RPH3AL: variants seen among roughly 807,000 people sequenced by gnomAD.
The protein encoded by RPH3AL is rabphilin 3A like (without C2 domains), also known as rab effector Noc2.
Under a neutral mutation model 43.1 loss-of-function variants are expected in RPH3AL, and 38 were observed. That is an observed-to-expected ratio of 0.88 (90% confidence interval 0.68 to 1.15). The LOEUF is 1.15. Ranked by LOEUF, RPH3AL falls within the 50% of genes most tolerant of loss-of-function variation. RPH3AL has a pLI of 0.00. For synonymous variants in RPH3AL, 189 were observed against 176.3 expected (o/e 1.07, Z -0.57); for missense variants, 462 against 423.2 (o/e 1.09, Z -0.81).
At chr17:338,178 C>T (rs1180958248) in intron 1 of RPH3AL, among the ~76,000 whole-genome samples, 3 of 152,156 alleles carry the variant, frequency 2.0e-5, no homozygotes, top group Admixed American at 2.0e-4. Flanking sequence ...GCAGGGAAAC[C>T]AGGCTGGGCG....
rs572176297 is a variant in RPH3AL at position 292,565 on chromosome 17, G to A, written c.352-10711C>T. ...GCAGCTCGACGTGGGGACCTGGGAT[G>A]CGAACCCTGTTCAGTCTGAGCCTCG... On this transcript the variant is annotated intron_variant, in intron 5 of 9. Coordinates refer to ENST00000331302, the MANE Select transcript of RPH3AL (RefSeq NM_006987.4). Among the ~76,000 whole-genome samples the A allele has an allele frequency of 1.4e-3, 208 of 152,274 alleles. 1 individual carries two copies. Among genetic ancestry groups the A allele is most frequent in the Non-Finnish European group, 9.6e-4 (65 of 68,016 alleles).
At chr17:294,285 G>A (rs1355038752) in intron 5 of RPH3AL, among the ~76,000 whole-genome samples, 1 of 104,458 alleles carries the variant, frequency 9.6e-6, no homozygotes, top group Non-Finnish European at 1.9e-5. Context: ...AACATAGCAA[G>A]ACCCCGTCTC....
intron 1 of RPH3AL, among the ~76,000 whole-genome samples, chr17:342,340 C>A (rs1333451833): frequency 1.3e-5 from 2 of 152,198 alleles, no homozygotes; most frequent in African/African-American, 2.4e-5. Flanking sequence ...TCTGACCCAA[C>A]AATTTCGCTC....
Position 215,181 on chromosome 17 carries a change from G to A in RPH3AL, c.876+473C>T, listed in dbSNP as rs2040766581. Among the ~76,000 whole-genome samples, 1 of 152,120 alleles carries A rather than the reference G, an allele frequency of 6.6e-6. No individual in the cohort carries two copies. Among genetic ancestry groups the A allele is most frequent in the African/African-American group, 2.4e-5 (1 of 41,408 alleles). On this transcript the variant is annotated intron_variant, in intron 9 of 9. Coordinates refer to ENST00000331302, the MANE Select transcript of RPH3AL (RefSeq NM_006987.4). This position sits in a 1 kb window ranked among gnomAD's most constrained non-coding sequence, Gnocchi z 4.1. ...TCCTGCACCTGCGCAGTTTTCTCTGGCTTCAGTTTAAGGAGAACCCTCACC... is the reference window on the plus strand; with the variant it reads ...TCCTGCACCTGCGCAGTTTTCTCTGACTTCAGTTTAAGGAGAACCCTCACC...
chr17:213,501 C>A lies in RPH3AL; in HGVS notation c.*351G>T. On this transcript the variant is annotated 3_prime_UTR_variant, in exon 10 of 10. Coordinates refer to ENST00000331302, the MANE Select transcript of RPH3AL (RefSeq NM_006987.4). The stretch of plus-strand genomic sequence containing the variant: ...CATTAATATAGCAACGGAGATAGCC[C>A]CACCGGGCGGCCCCTCTGACACTGC... 2.6e-6 allele frequency: 1 copy of A among 391,922 alleles called. No homozygotes were observed. Among genetic ancestry groups the A allele is most frequent in the Admixed American group, 4.2e-5 (1 of 24,094 alleles). The allele number at this position is 391,922 out of a possible 1,614,324, so 24.3% of individuals were successfully genotyped here.
intron 5 of RPH3AL, among the ~76,000 whole-genome samples, chr17:306,024 ATTT>A (rs71143496): frequency 7.2e-6 from 1 of 139,550 alleles, no homozygotes; most frequent in Admixed American, 7.1e-5. Flanking sequence ...ATGCCCAGCT[ATTT>A]TTTTTTTTTT....
At position 213,333 on chromosome 17, in the gene RPH3AL, G is replaced by T. The variant is rs536225459; in HGVS notation, c.*519C>A. 59 of 168,592 alleles carry T rather than the reference G, an allele frequency of 3.5e-4. No homozygotes were observed. The highest frequency in any genetic ancestry group is 6.9e-4 in the Non-Finnish European group (53 of 77,050). 10.4% of individuals were successfully genotyped at this position (168,592 alleles called of 1,614,324 possible). ...CGGTCCTGGGCCAGCCCATGGGAGG[G>T]GGGCACTGCGCCTGCCTCCCAGAGC... On this transcript the variant is annotated 3_prime_UTR_variant, in exon 10 of 10. Coordinates refer to ENST00000331302, the MANE Select transcript of RPH3AL (RefSeq NM_006987.4).
At chr17:248,857 G>A (rs2041824616) in intron 6 of RPH3AL, among the ~76,000 whole-genome samples, 1 of 152,310 alleles carries the variant, frequency 6.6e-6, no homozygotes. Context: ...CAGAGCAAAG[G>A]GCACCCAGAA....
chr17:316,528 A>T lies in RPH3AL; in HGVS notation c.351+2892T>A, dbSNP rs1185209519. 2.4e-5 allele frequency among the ~76,000 whole-genome samples: 3 copies of T among 125,600 alleles called. No individual in the cohort carries two copies. In the Admixed American group the frequency reaches 2.5e-4, roughly 10 times the overall value. 82.4% of individuals were successfully genotyped at this position (125,600 alleles called of 152,430 possible). A position where few individuals can be genotyped will look rare whatever the true frequency, so the allele number is the denominator to read the frequency against. ...CTGTGCTCCACCTCCAGTGACCTGTAGTCCCTGTGACTCCACCTCCACTGA... is the reference window on the plus strand; with the variant it reads ...CTGTGCTCCACCTCCAGTGACCTGTTGTCCCTGTGACTCCACCTCCACTGA... On this transcript the variant is annotated intron_variant, in intron 5 of 9. Coordinates refer to ENST00000331302, the MANE Select transcript of RPH3AL (RefSeq NM_006987.4).
chr17:319,733 A>G (rs1017135166), intron 4 of RPH3AL, among the ~76,000 whole-genome samples, 184 bp from the exon 5 acceptor site: 5 of 150,240 alleles, frequency 3.3e-5, no homozygotes, highest in African/African-American at 9.8e-5. Context: ...GTGAGCACCT[A>G]TGATTCATCA....
intron 6 of RPH3AL, among the ~76,000 whole-genome samples, chr17:273,022 A>G (rs8074927): frequency 0.15 from 8,925 of 59,432 alleles, 459 homozygotes; most frequent in African/African-American, 0.26. Flanking sequence ...CGACATCAGG[A>G]AGAGACCCCA....
rs868173016 is a variant in RPH3AL at position 245,408 on chromosome 17, T to G, written c.613+1703A>C. On this transcript the variant is annotated intron_variant, in intron 7 of 9. Transcript: ENST00000331302. This position sits in a 1 kb window ranked among gnomAD's most constrained non-coding sequence, Gnocchi z 5.9. ...GTGTGTGTGTGGATATCAGTGTGTGTGTGTGCATGGTGATGTGTGTGTAGG... is the reference window on the plus strand; with the variant it reads ...GTGTGTGTGTGGATATCAGTGTGTGGGTGTGCATGGTGATGTGTGTGTAGG... Among the ~76,000 whole-genome samples, 2 of 150,244 alleles carry G rather than the reference T, an allele frequency of 1.3e-5. No homozygotes were observed. Among genetic ancestry groups the G allele is most frequent in the South Asian group, 4.4e-4 (2 of 4,544 alleles).
chr17:272,711 C>T (rs548318342), intron 6 of RPH3AL, among the ~76,000 whole-genome samples: 128 of 149,296 alleles, frequency 8.6e-4, no homozygotes, highest in African/African-American at 1.9e-3. Flanking sequence ...ACAGATGTAA[C>T]GAACCTGCAC....
intron 6 of RPH3AL, among the ~76,000 whole-genome samples, chr17:260,326 A>C (rs1555545852): frequency 6.6e-6 from 1 of 152,136 alleles, no homozygotes; most frequent in Non-Finnish European, 1.5e-5. Flanking sequence ...AGCACGCCAC[A>C]CCTGGGCTGG....
rs1232270928 is a variant in RPH3AL at position 274,795 on chromosome 17, G to T, written c.438+6973C>A. 6.6e-6 allele frequency among the ~76,000 whole-genome samples: 1 copy of T among 152,280 alleles called. No individual in the cohort carries two copies. Among genetic ancestry groups the T allele is most frequent in the East Asian group, 1.9e-4 (1 of 5,190 alleles). ...GCGGGGAGGGGAAAACCTCCAAAGT[G>T]TTTAGTGCAGGTGAATGTGGCATGC... On this transcript the variant is annotated intron_variant, in intron 6 of 9. Coordinates refer to ENST00000331302, the MANE Select transcript of RPH3AL (RefSeq NM_006987.4). The surrounding 1 kb of genome is among the most constrained non-coding windows in gnomAD (Gnocchi z 4.7).
chr17:306,242 C>A (rs1393794312), intron 5 of RPH3AL, among the ~76,000 whole-genome samples: 1 of 151,984 alleles, frequency 6.6e-6, no homozygotes, highest in Non-Finnish European at 1.5e-5. Context: ...GGAACCCCAG[C>A]TCCACCGCCA....
intron 2 of RPH3AL, chr17:331,565 G>A: frequency 7.8e-7 from 1 of 1,274,158 alleles, no homozygotes; most frequent in Non-Finnish European, 1.0e-6. Flanking sequence ...CAGATGGTGG[G>A]AGAGGAAGGG....
chr17:311,223 C>G (rs1441699457), intron 5 of RPH3AL, among the ~76,000 whole-genome samples: 3 of 152,230 alleles, frequency 2.0e-5, no homozygotes, highest in Non-Finnish European at 4.4e-5. Flanking sequence ...GCAGCTGGAG[C>G]ATGCCCCGTC....
At chr17:262,404 CG>C (rs1190517204) in intron 6 of RPH3AL, among the ~76,000 whole-genome samples, 2 of 152,076 alleles carry the variant, frequency 1.3e-5, no homozygotes, top group African/African-American at 4.8e-5. Flanking sequence ...TTAGTAGAGA[CG>C]GGGTTTCACC....
Sources: gnomAD v4.1 joint callset for allele counts (sites outside exome capture counted in the v4.1 genomes callset) on GRCh38, gnomAD v4.1.1 for gene constraint, Gnocchi (gnomAD v3.1) non-coding constraint, MANE v1.5 for transcripts, NCBI Gene and HGNC (gene_info 2026-07-23, HGNC 2026-07-21) for gene names.